Variants in F13B observed in about 807,000 individuals in gnomAD.
F13B encodes the protein coagulation factor XIII B chain, also known as TGase.
A neutral mutation model predicts 79.8 loss-of-function variants in F13B; 58 were observed. The ratio of observed to expected loss-of-function variants is 0.73; its 90% CI spans 0.59 to 0.90. F13B has a LOEUF of 0.90. F13B is among the 40% of genes least tolerant of loss of function. F13B has a pLI of 0.00. For synonymous variants in F13B, 283 were observed against 260.3 expected (o/e 1.09, Z -0.84); for missense variants, 773 against 777.0 (o/e 0.99, Z 0.06).
chr1:197,039,994 C>CT (rs1026990548), intron 11 of F13B, among the ~76,000 whole-genome samples: 6 of 151,918 alleles, frequency 3.9e-5, no homozygotes, highest in Non-Finnish European at 7.4e-5. Context: ...TTTTATTATA[C>CT]TTTTTTAACA....
At chr1:197,060,169 T>C (rs1655799207) in intron 5 of F13B, among the ~76,000 whole-genome samples, 197 bp downstream of exon 5, 1 of 151,938 alleles carries the variant, frequency 6.6e-6, no homozygotes, top group Non-Finnish European at 1.5e-5. Context: ...ATTTACAAAC[T>C]AAGACAAAAC....
intron 4 of F13B, 79 bp from the exon 5 acceptor site, chr1:197,060,621 A>G (rs1045425364): frequency 3.0e-6 from 3 of 996,752 alleles, no homozygotes; most frequent in South Asian, 1.5e-5. Context: ...TTTACATGAC[A>G]TAACTAGAAT....
At chr1:197,065,944 T>A (rs1354292893) in intron 1 of F13B, among the ~76,000 whole-genome samples, 1 of 151,710 alleles carries the variant, frequency 6.6e-6, no homozygotes, top group African/African-American at 2.4e-5. Context: ...CAATGGGAGT[T>A]GAGAGAAGCA....
chr1:197,057,012 C>A lies in F13B; in HGVS notation c.1171+1G>T. 7 of 1,613,250 alleles carry A rather than the reference C, an allele frequency of 4.3e-6. No individual in the cohort carries two copies. Among genetic ancestry groups the A allele is most frequent in the Non-Finnish European group, 5.9e-6 (7 of 1,179,762 alleles). ...ACTGATGGTAAATGTAGCATACATA[C>A]CAACACACTCAGGAGGAAGTGTCCA... is the stretch of plus-strand genomic sequence containing the variant. On this transcript the variant is annotated splice_donor_variant, in intron 7 of 11. Transcript: ENST00000367412. LOFTEE classifies it high-confidence loss of function.
At chr1:197,040,380 G>GC in intron 11 of F13B, 142 bp downstream of exon 11, 1 of 635,234 alleles carries the variant, frequency 1.6e-6, no homozygotes, top group Non-Finnish European at 2.7e-6. Context: ...TTTGTTTGGT[G>GC]TAAAAAAAAT....
chr1:197,050,818 T>G lies in F13B; in HGVS notation c.1617A>C (p.Thr539=). The part of the protein sequence containing the change: ...LIKHGVIISS[T]VDTYENGSSV... The stretch of plus-strand genomic sequence containing the variant: ...AAGAGCCATTTTCATAGGTGTCTAC[T>G]GTTGAACTAATAATGACTCCATGTT... Residue 539 remains threonine (T), a synonymous_variant, in exon 10 of 12, where the codon ACA becomes ACC. Coordinates refer to ENST00000367412, the MANE Select transcript of F13B (RefSeq NM_001994.3). 1 of 1,613,392 alleles carries G rather than the reference T, an allele frequency of 6.2e-7. No homozygotes were observed. Among genetic ancestry groups the G allele is most frequent in the Non-Finnish European group, 8.5e-7 (1 of 1,179,576 alleles).
Position 197,057,385 on chromosome 1 carries a change from C to A in F13B, c.886G>T (p.Glu296Ter), listed in dbSNP as rs1026193608. ...QTHSTTYRHG[E>*]IVHIECELNF... ...AGTTCACATTCTATATGAACTATTT[C>A]TCCATGACGATAAGTTGTTGAATGT... The change falls in exon 6 of 12, where the codon GAA becomes TAA. Residue 296 changes from glutamate (E) to a stop codon, truncating the protein, a stop_gained. Transcript: ENST00000367412. LOFTEE classifies it high-confidence loss of function. The A allele has an allele frequency of 6.2e-7, 1 of 1,613,810 alleles. No individual in the cohort carries two copies. The highest frequency in any genetic ancestry group is 8.5e-7 in the Non-Finnish European group (1 of 1,179,926).
chr1:197,062,793 C>A, intron 2 of F13B, 64 bp downstream of exon 2: 5 of 1,494,702 alleles, frequency 3.3e-6, no homozygotes, highest in Non-Finnish European at 4.7e-6. Context: ...TTATTGGACC[C>A]CTATTTTTAT....
In F13B at chr1:197,063,393, T is replaced by C. The variant is rs117345132; in HGVS notation, c.65-336A>G. The stretch of plus-strand genomic sequence containing the variant: ...CAAGCTTCAGTGCAGTGCTGAAATA[T>C]AGCTCACTGCCACCAGGAGCTCCTG... On this transcript the variant is annotated intron_variant, in intron 1 of 11. Coordinates refer to ENST00000367412, the MANE Select transcript of F13B (RefSeq NM_001994.3). Among the ~76,000 whole-genome samples the C allele has an allele frequency of 3.2e-4, 48 of 152,214 alleles. No homozygotes were observed. The East Asian group carries it at 9.1e-3, about 29-fold the overall frequency.
At position 197,057,291 on chromosome 1, in the gene F13B, C is replaced by A; in HGVS notation, c.980G>T (p.Cys327Phe). 1 of 1,613,870 alleles carries A rather than the reference C, an allele frequency of 6.2e-7. No homozygotes were observed. The highest frequency in any genetic ancestry group is 2.2e-5 in the East Asian group (1 of 44,858). ...TTCTTCAAGGTGTTACTAACCAATG[C>A]ATTTTGGAGGTTCTGTCCATTTTCC... ...EDGKWTEPPK[C>F]IEGQEKVACE... The change falls in exon 6 of 12, where the codon TGC becomes TTC. Residue 327 changes from cysteine to phenylalanine, a missense_variant. Physicochemically the swap from Cys to Phe is radical, Grantham distance 205. Coordinates refer to ENST00000367412, the MANE Select transcript of F13B (RefSeq NM_001994.3).
chr1:197,058,680 A>G (rs1655734136), intron 5 of F13B, among the ~76,000 whole-genome samples: 1 of 152,174 alleles, frequency 6.6e-6, no homozygotes, highest in African/African-American at 2.4e-5. Context: ...AGATAGTTCC[A>G]GATAATATTC....
chr1:197,047,038 A>T (rs1356076579), intron 10 of F13B, among the ~76,000 whole-genome samples: 1 of 152,214 alleles, frequency 6.6e-6, no homozygotes, highest in Non-Finnish European at 1.5e-5. Flanking sequence ...TAAATGTAAG[A>T]CCTAACACCA....
chr1:197,040,748 AT>A lies in F13B; in HGVS notation c.1739-14del. The stretch of plus-strand genomic sequence containing the variant: ...AATGTGCATGGCTCTGGGAACAACA[AT>A]TTAAAAAAAAAGAAAGAAAAAGAAG... On this transcript the variant is annotated splice_polypyrimidine_tract_variant and intron_variant, in intron 10 of 11. Transcript: ENST00000367412. 6.3e-7 allele frequency: 1 copy of A among 1,580,322 alleles called. No individual in the cohort carries two copies. The highest frequency in any genetic ancestry group is 8.7e-7 in the Non-Finnish European group (1 of 1,155,946).
Position 197,061,887 on chromosome 1 carries a change from A to G in F13B, c.348T>C (p.Tyr116=). 6.2e-7 allele frequency: 1 copy of G among 1,613,224 alleles called. No homozygotes were observed. The highest frequency in any genetic ancestry group is 8.5e-7 in the Non-Finnish European group (1 of 1,179,516). Residue 116 remains tyrosine, a synonymous_variant, in exon 3 of 12, where the codon TAT becomes TAC. Coordinates refer to ENST00000367412, the MANE Select transcript of F13B (RefSeq NM_001994.3). The part of the protein sequence containing the change: ...LLYKIQENMR[Y]GCASGYKTTG... ...TGGTTTTGTACCCTGAAGCGCAACC[A>G]TAACGCATGTTCTCTTGAATTTTAT...
intron 10 of F13B, among the ~76,000 whole-genome samples, chr1:197,050,478 G>A (rs1655402637): frequency 6.6e-6 from 1 of 151,984 alleles, no homozygotes; most frequent in Non-Finnish European, 1.5e-5. Context: ...AACCTGATGT[G>A]TGGTTTGTCT....
At chr1:197,056,312 CT>C (rs1655639943) in intron 7 of F13B, among the ~76,000 whole-genome samples, 2 of 151,796 alleles carry the variant, frequency 1.3e-5, no homozygotes, top group African/African-American at 4.8e-5. Flanking sequence ...AATTTTTTTC[CT>C]CTTTTTGGTA....
chr1:197,053,278 A>G (rs1398199341), intron 8 of F13B, among the ~76,000 whole-genome samples: 2 of 152,138 alleles, frequency 1.3e-5, no homozygotes, highest in Non-Finnish European at 2.9e-5. Context: ...TGTGGCTGAT[A>G]TGGTTTGGCT....
chr1:197,060,835 T>C (rs772655874), intron 4 of F13B, 64 bp downstream of exon 4: 6 of 1,444,960 alleles, frequency 4.2e-6, no homozygotes, highest in East Asian at 2.3e-5. Flanking sequence ...ACAACTTATA[T>C]ACACTTCTCT....
chr1:197,055,846 G>A lies in F13B; in HGVS notation c.1223C>T (p.Ala408Val). The change falls in exon 8 of 12, where the codon GCA becomes GTA. Residue 408 changes from alanine to valine, a missense_variant. Coordinates refer to ENST00000367412, the MANE Select transcript of F13B (RefSeq NM_001994.3). ...HPPVVMNGAV[A>V]DGILASYATG... ...TGCATAGCTTGCCAATATCCCGTCT[G>A]CAACAGCCCCATTCATTACAACAGG... 2 of 1,613,444 alleles carry A rather than the reference G, an allele frequency of 1.2e-6. No homozygotes were observed. The highest frequency in any genetic ancestry group is 1.7e-6 in the Non-Finnish European group (2 of 1,179,722).
Sources: allele counts gnomAD v4.1 joint callset (sites outside exome capture counted in the v4.1 genomes callset), GRCh38; gene constraint gnomAD v4.1.1; transcripts MANE v1.5; gene names NCBI Gene and HGNC (gene_info 2026-07-23, HGNC 2026-07-21).